The following TUBGCP3 variants were observed in gnomAD, a reference collection of about 807,000 sequenced individuals.
TUBGCP3 encodes tubulin gamma complex component 3.
Under a neutral mutation model 123.1 loss-of-function variants are expected in TUBGCP3, and 50 were observed. That is an observed-to-expected ratio of 0.41 (90% CI 0.32 to 0.51). The LOEUF is 0.51. Ranked by LOEUF, TUBGCP3 falls within the 20% of genes least tolerant of loss-of-function variation. The pLI is 0.36. For missense variants in TUBGCP3, 882 were observed against 1,127.0 expected, an observed-to-expected ratio of 0.78 and a Z score of 3.11; for synonymous variants, 405 against 413.9, an observed-to-expected ratio of 0.98 and a Z score of 0.26.
At chr13:112,559,265 T>A (rs1435108350) in intron 4 of TUBGCP3, 57 bp downstream of exon 4, 3 of 1,471,676 alleles carry the variant, frequency 2.0e-6, no homozygotes, top group Non-Finnish European at 2.8e-6. Flanking sequence ...CCGTTTCCTA[T>A]CAAAGTCAGC....
intron 1 of TUBGCP3, among the ~76,000 whole-genome samples, chr13:112,580,913 C>T (rs778938570): frequency 6.6e-6 from 1 of 152,246 alleles, no homozygotes; most frequent in Non-Finnish European, 1.5e-5. Context: ...CATCCCATTA[C>T]AGGAAGTCTC....
At chr13:112,599,140 G>C in the TUBGCP3 span, among the ~76,000 whole-genome samples, 1 of 152,158 alleles carries the variant, frequency 6.6e-6, no homozygotes, top group Non-Finnish European at 1.5e-5. Context: ...TTCTGATCGC[G>C]TATTATCACG....
chr13:112,588,286 T>C (rs1377367883), upstream of TUBGCP3: 2 of 258,078 alleles, frequency 7.7e-6, no homozygotes, highest in East Asian at 1.4e-4. Context: ...GGGCGACAGG[T>C]GGCCCGAGGC....
rs1180047546 is a variant in TUBGCP3 at position 112,545,751 on chromosome 13, C to T, written c.1283G>A (p.Ser428Asn). 4.3e-6 allele frequency: 7 copies of T among 1,614,056 alleles called. No individual in the cohort carries two copies. Among genetic ancestry groups the T allele is most frequent in the Non-Finnish European group, 5.9e-6 (7 of 1,180,038 alleles). Reference sequence around the variant, plus strand: ...ATCATATATCCAGCGGTACAGGAAGCTCAAAACAGGATGAGACACGAGGCT... The same window carrying T: ...ATCATATATCCAGCGGTACAGGAAGTTCAAAACAGGATGAGACACGAGGCT... Reference protein sequence around the residue: ...ILSLVSHPVLSFLYRWIYDGE... With the variant: ...ILSLVSHPVLNFLYRWIYDGE... The change falls in exon 11 of 22, where the codon AGC becomes AAC. Residue 428 changes from serine (S) to asparagine (N), a missense_variant. Physicochemically the swap from Ser to Asn is conservative, Grantham distance 46. Coordinates refer to ENST00000261965, the MANE Select transcript of TUBGCP3 (RefSeq NM_006322.6). This position sits in a 1 kb window ranked among gnomAD's most constrained non-coding sequence, Gnocchi z 4.1.
At chr13:112,595,201 A>AT in the TUBGCP3 span, among the ~76,000 whole-genome samples, 21,670 of 145,744 alleles carry the variant, frequency 0.15, 2,482 homozygotes, top group African/African-American at 0.32. Flanking sequence ...CAATTAATAC[A>AT]TTTTTTTTTT....
chr13:112,598,145 A>T, the TUBGCP3 span, among the ~76,000 whole-genome samples: 1 of 152,172 alleles, frequency 6.6e-6, no homozygotes, highest in African/African-American at 2.4e-5. Context: ...ATGAAGATGG[A>T]ATTATATTTC....
chr13:112,563,777 A>G (rs961717462), intron 3 of TUBGCP3, among the ~76,000 whole-genome samples: 7 of 151,644 alleles, frequency 4.6e-5, no homozygotes, highest in Non-Finnish European at 7.4e-5. Context: ...TGGGAGGCTG[A>G]GGCAGGAGAA....
intron 21 of TUBGCP3, among the ~76,000 whole-genome samples, chr13:112,486,915 C>T (rs1594386193): frequency 6.6e-6 from 1 of 152,194 alleles, no homozygotes; most frequent in East Asian, 1.9e-4. Flanking sequence ...CAAGCCCCGC[C>T]CAAGTCTTCA....
chr13:112,557,695 C>T (rs1034877345), intron 5 of TUBGCP3, among the ~76,000 whole-genome samples: 8 of 152,352 alleles, frequency 5.3e-5, no homozygotes, highest in Admixed American at 3.3e-4. Flanking sequence ...ATAAAACCTT[C>T]GTTGTGCATT....
rs552404505 is a variant in TUBGCP3 at position 112,519,795 on chromosome 13, T to G, written c.1881+91A>C. On this transcript the variant is annotated intron_variant, in intron 15 of 21. Transcript: ENST00000261965. This position sits in a 1 kb window ranked among gnomAD's most constrained non-coding sequence, Gnocchi z 6.2. The stretch of plus-strand genomic sequence containing the variant: ...CAGAAAGATAACGGCTAGCTGTGCC[T>G]GAAACAACATGGAAAACACTCGCTA... 6.8e-7 allele frequency: 1 copy of G among 1,472,918 alleles called. No individual in the cohort carries two copies. Among genetic ancestry groups the G allele is most frequent in the Non-Finnish European group, 9.0e-7 (1 of 1,110,386 alleles). The allele number at this position is 1,472,918 out of a possible 1,614,324, so 91.2% of individuals were successfully genotyped here. A position where few individuals can be genotyped will look rare whatever the true frequency, so the allele number is the denominator to read the frequency against.
intron 5 of TUBGCP3, among the ~76,000 whole-genome samples, chr13:112,557,336 C>A (rs1880125913): frequency 6.6e-6 from 1 of 152,152 alleles, no homozygotes; most frequent in Non-Finnish European, 1.5e-5. Flanking sequence ...CATTGGTAAT[C>A]CATATGTATA....
chr13:112,523,523 C>T (rs555385781), intron 13 of TUBGCP3, among the ~76,000 whole-genome samples: 1 of 152,308 alleles, frequency 6.6e-6, no homozygotes, highest in African/African-American at 2.4e-5. Flanking sequence ...CCTGGAGTCA[C>T]GACACCACGG....
At chr13:112,500,424 G>T (rs576630235) in intron 19 of TUBGCP3, among the ~76,000 whole-genome samples, 3 of 152,168 alleles carry the variant, frequency 2.0e-5, no homozygotes, top group Admixed American at 1.3e-4. Flanking sequence ...ACTCCGAAGC[G>T]TGAAAAAGAA....
At chr13:112,547,520 C>CGCGTGGGAAAGACGT in intron 10 of TUBGCP3, 100 bp downstream of exon 10, 1 of 1,337,930 alleles carries the variant, frequency 7.5e-7, no homozygotes, top group Non-Finnish European at 9.7e-7. Context: ...GGGAAAGACG[C>CGCGTGGGAAAGACGT]GCGTGGGAAA....
chr13:112,544,237 A>T (rs1300950116), intron 11 of TUBGCP3, among the ~76,000 whole-genome samples: 1 of 152,046 alleles, frequency 6.6e-6, no homozygotes, highest in East Asian at 1.9e-4. Flanking sequence ...GCAGATCACA[A>T]GGTCAGGAGA....
chr13:112,501,748 A>G (rs1400375976), intron 19 of TUBGCP3, among the ~76,000 whole-genome samples: 3 of 152,204 alleles, frequency 2.0e-5, no homozygotes, highest in Admixed American at 6.5e-5. Context: ...AAGTTCAGAA[A>G]TGACCATGAA....
rs1196718692 is a variant in TUBGCP3, at chr13:112,564,654, GA to G, written c.252+456del. 6.3e-5 allele frequency among the ~76,000 whole-genome samples: 9 copies of G among 142,340 alleles called. No homozygotes were observed. In the South Asian group the frequency reaches 1.8e-3, roughly 28 times the overall value. 93.4% of individuals were successfully genotyped at this position (142,340 alleles called of 152,430 possible). ...AACACAGCGAAGCTGCGTCTCAAAA[GA>G]AAAAAAAAAGGTTAGAAAAATCATT... On this transcript the variant is annotated intron_variant, in intron 3 of 21. Transcript: ENST00000261965.
chr13:112,566,845 T>C (rs1880985312), intron 2 of TUBGCP3, among the ~76,000 whole-genome samples: 2 of 152,262 alleles, frequency 1.3e-5, no homozygotes, highest in African/African-American at 2.4e-5. Context: ...GTACCCCACC[T>C]GCCAGTGTGG....
rs189058602 is a variant in TUBGCP3, at chr13:112,554,915, G to C, written c.812C>G (p.Thr271Ser). 6.2e-6 allele frequency: 10 copies of C among 1,611,334 alleles called. No homozygotes were observed. In the African/African-American group the frequency reaches 1.3e-4, roughly 22 times the overall value. Residue 271 changes from threonine (T) to serine (S), a missense_variant, in exon 7 of 22, where the codon ACT becomes AGT. By Grantham distance (58) the Thr-to-Ser change is moderately conservative. Coordinates refer to ENST00000261965, the MANE Select transcript of TUBGCP3 (RefSeq NM_006322.6). ...TCCTTCTACTTTGTAACAATTTTCA[G>C]TGTTGTTCATTTTGATGTTTTTGCC... ...IDGKNIKMNN[T>S]ENCYKVEGKA...
Sources: gnomAD v4.1 joint callset for allele counts (sites outside exome capture counted in the v4.1 genomes callset) on GRCh38, gnomAD v4.1.1 for gene constraint, Gnocchi (gnomAD v3.1) non-coding constraint, MANE v1.5 for transcripts, NCBI Gene and HGNC (gene_info 2026-07-23, HGNC 2026-07-21) for gene names.